MYT1L: variants seen among roughly 807,000 people sequenced by gnomAD.
The protein encoded by MYT1L is myelin transcription factor 1 like, also known as myelin transcription factor 1-like protein.
MYT1L carries 12 observed loss-of-function variants against 126.7 expected under a neutral mutation model. That is an observed-to-expected ratio of 0.09 (90% confidence interval 0.06 to 0.15). The LOEUF (loss-of-function observed/expected upper bound fraction) is 0.15. Ranked by LOEUF, MYT1L falls within the 10% of genes least tolerant of loss-of-function variation. MYT1L has a pLI of 1.00. For synonymous variants in MYT1L, 541 were observed against 604.2 expected (o/e 0.90, Z 1.53); for missense variants, 979 against 1,585.2 (o/e 0.62, Z 6.49).
intron 3 of MYT1L, among the ~76,000 whole-genome samples, chr2:2,065,819 TTTA>T (rs1391021353): frequency 1.6e-5 from 2 of 125,974 alleles, no homozygotes; most frequent in African/African-American, 6.8e-5. Flanking sequence ...ATCTCTCTCT[TTTA>T]TACACACACA....
At chr2:1,839,083 C>T (rs1478729535) in intron 21 of MYT1L, 66 bp downstream of exon 21, 47 of 1,420,724 alleles carry the variant, frequency 3.3e-5, no homozygotes, top group Non-Finnish European at 4.4e-5. Flanking sequence ...GCCGTCATAA[C>T]CAGCCGTGCC....
At chr2:2,226,251 A>G (rs1559389892) in intron 2 of MYT1L, among the ~76,000 whole-genome samples, 2 of 152,202 alleles carry the variant, frequency 1.3e-5, no homozygotes. Context: ...TGTGAAAACT[A>G]GGAACATAGC....
At chr2:2,045,214 T>C (rs1049251544) in intron 4 of MYT1L, among the ~76,000 whole-genome samples, 1 of 152,266 alleles carries the variant, frequency 6.6e-6, no homozygotes, top group Non-Finnish European at 1.5e-5. Flanking sequence ...ATGAGAGTTA[T>C]GCATGTAAAT....
At chr2:1,837,885 C>T (rs1023057426) in intron 21 of MYT1L, among the ~76,000 whole-genome samples, 1 of 121,266 alleles carries the variant, frequency 8.2e-6, no homozygotes, top group Non-Finnish European at 1.6e-5. Flanking sequence ...CAATTTCTCT[C>T]TCTCTTTTTT....
chr2:1,801,582 T>C lies in MYT1L; in HGVS notation c.3276+114A>G. ...TCATAAGGTGGAAAAATAAAGGAAA[T>C]AAAAGAGCAAATAAGAGGAAACGAC... On this transcript the variant is annotated intron_variant, in intron 23 of 24. Transcript: ENST00000647738. This position sits in a 1 kb window ranked among gnomAD's most constrained non-coding sequence, Gnocchi z 4.2. 2.9e-6 allele frequency: 2 copies of C among 690,074 alleles called. No homozygotes were observed. Among genetic ancestry groups the C allele is most frequent in the Non-Finnish European group, 5.1e-6 (2 of 395,438 alleles). 42.7% of individuals were successfully genotyped at this position (690,074 alleles called of 1,614,324 possible). A position where few individuals can be genotyped will look rare whatever the true frequency, so the allele number is the denominator to read the frequency against.
chr2:2,137,659 C>T (rs905021326), intron 3 of MYT1L, among the ~76,000 whole-genome samples: 4 of 152,130 alleles, frequency 2.6e-5, no homozygotes, highest in Admixed American at 1.3e-4. Flanking sequence ...GAAACTGGAT[C>T]GCTTCCTTAC....
In MYT1L at chr2:1,923,207, C is replaced by T. The variant is rs1354125931; in HGVS notation, c.562G>A (p.Asp188Asn). 1.2e-6 allele frequency: 2 copies of T among 1,612,652 alleles called. No individual in the cohort carries two copies. Among genetic ancestry groups the T allele is most frequent in the Admixed American group, 1.7e-5 (1 of 59,820 alleles). Residue 188 changes from aspartate (D) to asparagine (N), a missense_variant, in exon 10 of 25, where the codon GAT (aspartate) becomes AAT (asparagine). Around this residue, in one of 12 missense-constraint regions of MYT1L, gnomAD observed 243 missense variants for 363.9 expected, o/e 0.67. Transcript: ENST00000647738. ...TTGTCATATTCGTCATTATTGTTAT[C>T]ATCCTTTTCTGTGTCTTGCATTATT... ...TRIMQDTEKDDNNNDEYDNYD... is the reference protein window; with the variant it reads ...TRIMQDTEKDNNNNDEYDNYD...
chr2:1,989,809 T>C (rs1363723745), intron 5 of MYT1L, among the ~76,000 whole-genome samples: 4 of 152,176 alleles, frequency 2.6e-5, no homozygotes, highest in South Asian at 4.2e-4. Context: ...CCAGCCTGGC[T>C]AACATGGTGA....
chr2:2,154,396 A>T (rs2086361180), intron 3 of MYT1L, among the ~76,000 whole-genome samples: 1 of 152,226 alleles, frequency 6.6e-6, no homozygotes, highest in Non-Finnish European at 1.5e-5. Flanking sequence ...TCATTGCAGC[A>T]CTATTCACAA....
intron 18 of MYT1L, among the ~76,000 whole-genome samples, chr2:1,879,366 C>T (rs2047278740): frequency 6.6e-6 from 1 of 152,192 alleles, no homozygotes; most frequent in Non-Finnish European, 1.5e-5. Flanking sequence ...CTCATTCTGA[C>T]TAGACTCTCC....
chr2:1,791,773 CAG>C lies in MYT1L; in HGVS notation c.*92_*93del. On this transcript the variant is annotated 3_prime_UTR_variant, in exon 25 of 25. Transcript: ENST00000647738. The surrounding 1 kb of genome is among the most constrained non-coding windows in gnomAD (Gnocchi z 6.0). ...AGCATAACACTGTTTCAAATTCAAA[CAG>C]AAATAAATATAGAACACTTTCTGGT... 8.0e-7 allele frequency: 1 copy of C among 1,244,550 alleles called. No individual in the cohort carries two copies. Among genetic ancestry groups the C allele is most frequent in the East Asian group, 2.5e-5 (1 of 40,290 alleles). The allele number at this position is 1,244,550 out of a possible 1,614,324, so 77.1% of individuals were successfully genotyped here. A position where few individuals can be genotyped will look rare whatever the true frequency, so the allele number is the denominator to read the frequency against.
intron 14 of MYT1L, among the ~76,000 whole-genome samples, chr2:1,898,408 A>C (rs2049897387): frequency 2.0e-5 from 3 of 152,224 alleles, no homozygotes; most frequent in Admixed American, 2.0e-4. Flanking sequence ...GGAGCTTTCT[A>C]GCCTGTGGGA....
chr2:2,118,850 T>C (rs1210964026), intron 3 of MYT1L, among the ~76,000 whole-genome samples: 2 of 152,224 alleles, frequency 1.3e-5, no homozygotes, highest in African/African-American at 4.8e-5. Flanking sequence ...CAACAATAGT[T>C]TTATCAAGGT....
intron 3 of MYT1L, among the ~76,000 whole-genome samples, chr2:2,121,735 T>G (rs1460331244): frequency 1.3e-5 from 2 of 152,178 alleles, no homozygotes; most frequent in Non-Finnish European, 2.9e-5. Flanking sequence ...TCCGCCCACC[T>G]CGGCCTCCCA....
At chr2:2,295,815 C>G (rs185376010) in intron 1 of MYT1L, among the ~76,000 whole-genome samples, 132 of 114,002 alleles carry the variant, frequency 1.2e-3, no homozygotes, top group South Asian at 1.5e-3. Flanking sequence ...GAGAGAGAGA[C>G]AGAGGATGTA....
chr2:1,899,087 A>T (rs1475839403), intron 14 of MYT1L, among the ~76,000 whole-genome samples: 1 of 152,000 alleles, frequency 6.6e-6, no homozygotes, highest in Middle Eastern at 3.2e-3. Flanking sequence ...TGACAGGATT[A>T]GGCCCCCAAG....
Position 1,942,963 on chromosome 2 carries a change from C to T in MYT1L, c.505+19G>A, listed in dbSNP as rs1414767979. ...ACCCAAATCACGACTTGTTACTTTG[C>T]TAATATTTTAAAGATTACCGTTTTC... On this transcript the variant is annotated intron_variant, in intron 9 of 24. Transcript: ENST00000647738. 7 of 1,509,750 alleles carry T rather than the reference C, an allele frequency of 4.6e-6. No homozygotes were observed. The highest frequency in any genetic ancestry group is 6.2e-6 in the Non-Finnish European group (7 of 1,124,766). The allele number at this position is 1,509,750 out of a possible 1,614,324, so 93.5% of individuals were successfully genotyped here.
At chr2:2,272,029 TC>T (rs1223188543) in intron 2 of MYT1L, among the ~76,000 whole-genome samples, 1 of 152,224 alleles carries the variant, frequency 6.6e-6, no homozygotes, top group Admixed American at 6.5e-5. Context: ...GAACTCTGCA[TC>T]CTGGCGAGGC....
intron 9 of MYT1L, among the ~76,000 whole-genome samples, chr2:1,926,374 T>A (rs936881500): frequency 6.6e-6 from 1 of 152,154 alleles, no homozygotes; most frequent in Non-Finnish European, 1.5e-5. Context: ...ATTCCCTCCC[T>A]GGTTGTACAC....
Sources: allele counts gnomAD v4.1 joint callset (sites outside exome capture counted in the v4.1 genomes callset), GRCh38; gene constraint gnomAD v4.1.1; regional missense constraint gnomAD v4.1.1; non-coding constraint Gnocchi (gnomAD v3.1); transcripts MANE v1.5; gene names NCBI Gene and HGNC (gene_info 2026-07-23, HGNC 2026-07-21).